The following KCNIP4 variants were observed in gnomAD, a reference collection of about 807,000 sequenced individuals.
The protein encoded by KCNIP4 is Kv channel-interacting protein 4.
A neutral mutation model predicts 34.0 loss-of-function variants in KCNIP4; 12 were observed. The ratio of observed to expected loss-of-function variants is 0.35; its 90% CI spans 0.23 to 0.57. The LOEUF (loss-of-function observed/expected upper bound fraction) is 0.57. KCNIP4 is among the 20% of genes least tolerant of loss of function. The pLI is 0.83. For missense variants in KCNIP4, 238 were observed against 311.7 expected (o/e 0.76, Z 1.78); for synonymous variants, 124 against 102.2 (o/e 1.21, Z -1.29).
At chr4:21,576,898 T>A (rs1476347939) in intron 1 of KCNIP4, among the ~76,000 whole-genome samples, 1 of 152,164 alleles carries the variant, frequency 6.6e-6, no homozygotes, top group African/African-American at 2.4e-5. Context: ...ACTTTGTGAT[T>A]GCTCCATTAT....
At chr4:21,189,868 C>T (rs10022605) in intron 1 of KCNIP4, among the ~76,000 whole-genome samples, 32,717 of 152,092 alleles carry the variant, frequency 0.22, 3,888 homozygotes, top group African/African-American at 0.3. Flanking sequence ...TTATGTTATG[C>T]CTTCAGCTTT....
chr4:20,936,932 C>A (rs1210631699), intron 1 of KCNIP4, among the ~76,000 whole-genome samples: 4 of 152,078 alleles, frequency 2.6e-5, no homozygotes, highest in Admixed American at 6.6e-5. Context: ...GCCCTCAGAA[C>A]TGTCTAGGGC....
At chr4:21,411,994 T>A (rs1724551521) in intron 1 of KCNIP4, among the ~76,000 whole-genome samples, 1 of 152,210 alleles carries the variant, frequency 6.6e-6, no homozygotes, top group Non-Finnish European at 1.5e-5. Context: ...TACAGTGTAC[T>A]GAAACAAATT....
At chr4:20,877,155 T>C (rs754302366) in intron 2 of KCNIP4, among the ~76,000 whole-genome samples, 2 of 152,214 alleles carry the variant, frequency 1.3e-5, no homozygotes, top group Admixed American at 1.3e-4. Context: ...GTGGTACTTA[T>C]CATCTGGGCT....
chr4:20,772,113 G>A (rs1430682253), intron 3 of KCNIP4, among the ~76,000 whole-genome samples: 1 of 152,172 alleles, frequency 6.6e-6, no homozygotes, highest in African/African-American at 2.4e-5. Context: ...AGCACAGGGA[G>A]GTTTAAAGAA....
At chr4:21,332,299 T>G (rs1715730566) in intron 1 of KCNIP4, among the ~76,000 whole-genome samples, 1 of 150,004 alleles carries the variant, frequency 6.7e-6, no homozygotes, top group South Asian at 2.1e-4. Context: ...TTCTGATTTT[T>G]TTTTATTGTT....
At chr4:21,739,835 G>C (rs1577924729) in intron 1 of KCNIP4, among the ~76,000 whole-genome samples, 2 of 152,014 alleles carry the variant, frequency 1.3e-5, no homozygotes. Flanking sequence ...TTATGCAAAA[G>C]AAGAAAACAA....
intron 1 of KCNIP4, among the ~76,000 whole-genome samples, chr4:21,097,048 A>G (rs759276763): frequency 4.6e-5 from 7 of 152,238 alleles, no homozygotes; most frequent in Non-Finnish European, 1.0e-4. Context: ...AAAATTTAAA[A>G]CTAACTTAAT....
intron 1 of KCNIP4, among the ~76,000 whole-genome samples, chr4:20,955,016 A>C (rs1249641490): frequency 6.6e-6 from 1 of 152,108 alleles, no homozygotes; most frequent in African/African-American, 2.4e-5. Context: ...GCTCCACTTG[A>C]ATTTGGCATG....
intron 1 of KCNIP4, among the ~76,000 whole-genome samples, chr4:21,062,431 G>C (rs1432314609): frequency 6.6e-6 from 1 of 152,040 alleles, no homozygotes; most frequent in Non-Finnish European, 1.5e-5. Context: ...TTAGGATGAG[G>C]TCAGATTGGA....
At chr4:21,145,179 C>T (rs1367804778) in intron 1 of KCNIP4, among the ~76,000 whole-genome samples, 1 of 152,162 alleles carries the variant, frequency 6.6e-6, no homozygotes, top group Non-Finnish European at 1.5e-5. Flanking sequence ...CCTGCAACTC[C>T]ACCTACTCAC....
At chr4:21,323,771 A>G (rs965550379) in intron 1 of KCNIP4, among the ~76,000 whole-genome samples, 1 of 151,926 alleles carries the variant, frequency 6.6e-6, no homozygotes, top group Non-Finnish European at 1.5e-5. Context: ...TTCCTTTCCT[A>G]GCAGTGGAAT....
At chr4:21,105,849 A>G (rs995028029) in intron 1 of KCNIP4, among the ~76,000 whole-genome samples, 3 of 151,580 alleles carry the variant, frequency 2.0e-5, no homozygotes, top group African/African-American at 7.3e-5. Flanking sequence ...ATCTATTGAG[A>G]TAATCATGTA....
At chr4:20,738,239 G>C (rs1750177338) in intron 5 of KCNIP4, among the ~76,000 whole-genome samples, 1 of 152,168 alleles carries the variant, frequency 6.6e-6, no homozygotes, top group South Asian at 2.1e-4. Flanking sequence ...GGCTAGATGA[G>C]ATTGATTGTT....
At chr4:21,498,472 A>C (rs540017417) in intron 1 of KCNIP4, among the ~76,000 whole-genome samples, 1 of 152,312 alleles carries the variant, frequency 6.6e-6, no homozygotes, top group South Asian at 2.1e-4. Context: ...TAATATTTTT[A>C]TTGAGCCAGA....
intron 1 of KCNIP4, among the ~76,000 whole-genome samples, chr4:20,988,000 CAAAAA>C (rs36044149): frequency 2.2e-4 from 10 of 46,332 alleles, no homozygotes; most frequent in South Asian, 1.5e-3. Flanking sequence ...GATTCCATCT[CAAAAA>C]AAAAAAAAAA....
intron 1 of KCNIP4, among the ~76,000 whole-genome samples, chr4:21,117,232 G>T (rs1334736280): frequency 6.3e-5 from 9 of 143,710 alleles, no homozygotes. Flanking sequence ...CACCTGAGGA[G>T]TCTTAAAAAT....
intron 1 of KCNIP4, among the ~76,000 whole-genome samples, chr4:21,940,969 A>G (rs1241813083): frequency 6.6e-6 from 1 of 152,152 alleles, no homozygotes; most frequent in African/African-American, 2.4e-5. Flanking sequence ...ACTATAAGAC[A>G]CTTTTATTCA....
chr4:20,975,141 G>C (rs952067241), intron 1 of KCNIP4, among the ~76,000 whole-genome samples: 1 of 152,076 alleles, frequency 6.6e-6, no homozygotes, highest in Non-Finnish European at 1.5e-5. Flanking sequence ...ATGAACTCTA[G>C]GTCTGTCTCA....
Sources: allele counts gnomAD v4.1 joint callset (sites outside exome capture counted in the v4.1 genomes callset), GRCh38; gene constraint gnomAD v4.1.1; transcripts MANE v1.5; gene names NCBI Gene and HGNC (gene_info 2026-07-23, HGNC 2026-07-21).